RCOR1: variants seen among roughly 807,000 people sequenced by gnomAD.
The protein encoded by RCOR1 is REST corepressor.
A neutral mutation model predicts 64.0 loss-of-function variants in RCOR1; 12 were observed. The ratio of observed to expected loss-of-function variants is 0.19; its 90% CI spans 0.12 to 0.30. The LOEUF (loss-of-function observed/expected upper bound fraction) is 0.30. RCOR1 is among the 10% of genes least tolerant of loss of function. RCOR1 has a pLI of 1.00. For synonymous variants in RCOR1, 279 were observed against 227.2 expected, an observed-to-expected ratio of 1.23 and a Z score of -2.05; for missense variants, 502 against 621.2, an observed-to-expected ratio of 0.81 and a Z score of 2.04.
intron 2 of RCOR1, among the ~76,000 whole-genome samples, chr14:102,595,480 G>C (rs1893223019): frequency 6.6e-6 from 1 of 152,204 alleles, no homozygotes; most frequent in Non-Finnish European, 1.5e-5. Context: ...GGGTGACAGA[G>C]TGAGACCCTG....
At chr14:102,639,660 A>T (rs1040508385) in intron 2 of RCOR1, among the ~76,000 whole-genome samples, 1 of 148,878 alleles carries the variant, frequency 6.7e-6, no homozygotes, top group Non-Finnish European at 1.5e-5. Context: ...CAGCCTCCCT[A>T]GTAGCTGGGA....
chr14:102,673,659 A>G (rs1045501296), intron 2 of RCOR1, among the ~76,000 whole-genome samples: 1 of 149,230 alleles, frequency 6.7e-6, no homozygotes, highest in African/African-American at 2.5e-5. Context: ...CTTTTTGCCC[A>G]GGCTAGAGTG....
intron 8 of RCOR1, 41 bp from the exon 9 acceptor site, chr14:102,720,966 A>G (rs770060526): frequency 3.6e-6 from 4 of 1,111,310 alleles, no homozygotes; most frequent in Non-Finnish European, 5.2e-6. Flanking sequence ...ACCTTTATAT[A>G]GTTTTTATTT....
chr14:102,627,669 A>C (rs539661031), intron 2 of RCOR1, among the ~76,000 whole-genome samples: 20 of 151,744 alleles, frequency 1.3e-4, no homozygotes, highest in African/African-American at 3.6e-4. Context: ...AAAAAAAAAA[A>C]AACACACACA....
chr14:102,681,777 G>C lies in RCOR1; in HGVS notation c.362-118G>C, dbSNP rs1348070548. The C allele has an allele frequency of 4.5e-6, 3 of 665,880 alleles. No homozygotes were observed. The African/African-American group carries it at 5.4e-5, about 12-fold the overall frequency. 41.2% of individuals were successfully genotyped at this position (665,880 alleles called of 1,614,324 possible). ...ATCCTCACTCTGATGTTAAGTGTGG[G>C]GCCCATTGGGCCAGATACAGGTAAA... On this transcript the variant is annotated intron_variant, in intron 2 of 11. Transcript: ENST00000262241.
chr14:102,632,494 C>T (rs1431882965), intron 2 of RCOR1, among the ~76,000 whole-genome samples: 6 of 152,008 alleles, frequency 3.9e-5, no homozygotes, highest in African/African-American at 7.3e-5. Flanking sequence ...CGCGAGCCAC[C>T]GCGCCCGGCC....
At chr14:102,621,367 C>CT (rs35481023) in intron 2 of RCOR1, among the ~76,000 whole-genome samples, 1,577 of 78,530 alleles carry the variant, frequency 0.02, 111 homozygotes, top group East Asian at 0.069. Context: ...CAGTCTTTGT[C>CT]TTTTTTTTTT....
chr14:102,657,838 A>C (rs1894756973), intron 2 of RCOR1: 1 of 22,906 alleles, frequency 4.4e-5, no homozygotes, highest in South Asian at 1.4e-3. Flanking sequence ...ACTCCGTCTC[A>C]AAAAAAAAAA....
At chr14:102,638,547 T>C (rs1048509263) in intron 2 of RCOR1, among the ~76,000 whole-genome samples, 10 of 152,154 alleles carry the variant, frequency 6.6e-5, no homozygotes, top group Admixed American at 6.5e-4. Flanking sequence ...GGTTTTGCCA[T>C]GTTGGCCAGG....
At chr14:102,598,856 C>T (rs926020318) in intron 2 of RCOR1, among the ~76,000 whole-genome samples, 13 of 151,882 alleles carry the variant, frequency 8.6e-5, no homozygotes, top group African/African-American at 3.1e-4. Context: ...AAAAGTTTTA[C>T]CAACTTTTAA....
intron 2 of RCOR1, 109 bp downstream of exon 2, chr14:102,593,434 C>T (rs887085458): frequency 1.7e-6 from 2 of 1,184,644 alleles, no homozygotes; most frequent in Admixed American, 3.6e-5. Flanking sequence ...TGTGCGTTCG[C>T]CCTGCCGTCC....
At chr14:102,653,993 T>C (rs1345338915) in intron 2 of RCOR1, among the ~76,000 whole-genome samples, 4 of 121,432 alleles carry the variant, frequency 3.3e-5, no homozygotes, top group South Asian at 2.6e-4. Flanking sequence ...CTTTTTTTTT[T>C]TTTTTTTTTT....
At chr14:102,706,684 G>A (rs1473358809) in intron 4 of RCOR1, among the ~76,000 whole-genome samples, 4 of 152,154 alleles carry the variant, frequency 2.6e-5, no homozygotes, top group South Asian at 2.1e-4. Context: ...GAAATTAGCC[G>A]GGTGTGGTGG....
At chr14:102,621,044 A>T (rs1011345375) in intron 2 of RCOR1, among the ~76,000 whole-genome samples, 2 of 152,214 alleles carry the variant, frequency 1.3e-5, no homozygotes, top group African/African-American at 4.8e-5. Flanking sequence ...TTTGAAGGTC[A>T]CTGCAACCTG....
chr14:102,642,261 G>A (rs1014609100), intron 2 of RCOR1, among the ~76,000 whole-genome samples: 2 of 152,036 alleles, frequency 1.3e-5, no homozygotes, highest in African/African-American at 4.8e-5. Context: ...GTATTAACAA[G>A]TGTCTGATCT....
At chr14:102,637,716 C>T (rs1362658531) in intron 2 of RCOR1, among the ~76,000 whole-genome samples, 1 of 152,176 alleles carries the variant, frequency 6.6e-6, no homozygotes, top group African/African-American at 2.4e-5. Flanking sequence ...TCTTCAAGTG[C>T]TGAGATTACA....
intron 2 of RCOR1, among the ~76,000 whole-genome samples, chr14:102,668,430 T>C (rs1359205831): frequency 6.6e-6 from 1 of 152,214 alleles, no homozygotes; most frequent in Non-Finnish European, 1.5e-5. Flanking sequence ...GGATTCTTTG[T>C]TACCAAGCAA....
intron 3 of RCOR1, among the ~76,000 whole-genome samples, chr14:102,684,126 G>A (rs553279068): frequency 1.8e-4 from 28 of 152,308 alleles, no homozygotes; most frequent in African/African-American, 6.0e-4. Context: ...CAACTCGCAC[G>A]GGAGGCCCCA....
chr14:102,643,058 A>G lies in RCOR1; in HGVS notation c.362-38837A>G, dbSNP rs537526939. Among the ~76,000 whole-genome samples, 3 of 152,302 alleles carry G rather than the reference A, an allele frequency of 2.0e-5. No individual in the cohort carries two copies. In the South Asian group the frequency reaches 6.2e-4, roughly 32 times the overall value. ...TGCACTTTGGGAGGCCGAGGCGGGC[A>G]GATCACGAGGTCAGGAGATCAAGAC... is the stretch of plus-strand genomic sequence containing the variant. On this transcript the variant is annotated intron_variant, in intron 2 of 11. Transcript: ENST00000262241.
Sources: allele counts gnomAD v4.1 joint callset (sites outside exome capture counted in the v4.1 genomes callset), GRCh38; gene constraint gnomAD v4.1.1; transcripts MANE v1.5; gene names NCBI Gene and HGNC (gene_info 2026-07-23, HGNC 2026-07-21).